Variants in DNAI4 observed in about 807,000 individuals in gnomAD.
The protein encoded by DNAI4 is dynein axonemal intermediate chain 4.
DNAI4 carries 85 observed loss-of-function variants against 105.8 expected under a neutral mutation model. That is an observed-to-expected ratio of 0.80 (90% CI 0.67 to 0.96). DNAI4 has a LOEUF of 0.96. DNAI4 is among the 40% of genes least tolerant of loss of function. The pLI is 0.00. For synonymous variants in DNAI4, 352 were observed against 331.5 expected (o/e 1.06, Z -0.67); for missense variants, 1,014 against 1,005.6 (o/e 1.01, Z -0.11).
chr1:66,887,850 T>G (rs1647275140), intron 4 of DNAI4, among the ~76,000 whole-genome samples: 1 of 151,946 alleles, frequency 6.6e-6, no homozygotes, highest in Admixed American at 6.6e-5. Context: ...TCCCAGCTAC[T>G]TGGGAGTATG....
At chr1:66,919,068 A>C (rs2100898528) in intron 1 of DNAI4, 2 of 439,234 alleles carry the variant, frequency 4.6e-6, no homozygotes, top group South Asian at 3.3e-5. Context: ...GCCTTTCTGG[A>C]TGGAACCAAT....
chr1:66,887,894 G>T (rs1487013847), intron 4 of DNAI4, among the ~76,000 whole-genome samples: 1 of 152,076 alleles, frequency 6.6e-6, no homozygotes, highest in African/African-American at 2.4e-5. Flanking sequence ...AGGAAGCAGA[G>T]GTTGTAGTGA....
chr1:66,881,184 G>C (rs187586598), intron 4 of DNAI4, among the ~76,000 whole-genome samples: 37 of 152,346 alleles, frequency 2.4e-4, no homozygotes, highest in African/African-American at 8.9e-4. Context: ...GCTCTGCTAG[G>C]GCAATGCAGA....
Position 66,837,313 on chromosome 1 carries a change from C to T in DNAI4, c.1581+397G>A, listed in dbSNP as rs926936636. Reference sequence around the variant, plus strand: ...CCGGGAGGCAGAGTTTGCAGTGAGTCGAGATTGCGCCACTGCACTCCAGCC... The same window carrying T: ...CCGGGAGGCAGAGTTTGCAGTGAGTTGAGATTGCGCCACTGCACTCCAGCC... On this transcript the variant is annotated intron_variant, in intron 10 of 16. Transcript: ENST00000371026. Among the ~76,000 whole-genome samples, 20 of 135,968 alleles carry T rather than the reference C, an allele frequency of 1.5e-4. 1 individual carries two copies. Among genetic ancestry groups the T allele is most frequent in the Non-Finnish European group, 2.1e-4 (14 of 66,122 alleles). 89.2% of individuals were successfully genotyped at this position (135,968 alleles called of 152,430 possible).
At chr1:66,906,647 T>C (rs949458471) in intron 1 of DNAI4, among the ~76,000 whole-genome samples, 37 of 152,194 alleles carry the variant, frequency 2.4e-4, no homozygotes, top group Admixed American at 9.2e-4. Flanking sequence ...TAGTATACCA[T>C]GGACACTTAA....
chr1:66,842,917 G>A (rs1260900348), intron 8 of DNAI4, among the ~76,000 whole-genome samples: 2 of 151,954 alleles, frequency 1.3e-5, no homozygotes, highest in African/African-American at 4.8e-5. Context: ...ATATTGAAAG[G>A]TCAGGTGTAG....
chr1:66,890,415 G>A lies in DNAI4; in HGVS notation c.643+739C>T, dbSNP rs1454330077. The A allele has an allele frequency of 6.6e-6, 1 of 152,410 alleles. No individual in the cohort carries two copies. The highest frequency in any genetic ancestry group is 1.5e-5 in the Non-Finnish European group (1 of 68,386). 9.4% of individuals were successfully genotyped at this position (152,410 alleles called of 1,614,324 possible). ...AGTTTGAAACCAGCCTGGCCAACAT[G>A]ATGAAACCCCGTCTCTATTAAAAAT... On this transcript the variant is annotated intron_variant, in intron 4 of 16. Transcript: ENST00000371026. The surrounding 1 kb of genome is among the most constrained non-coding windows in gnomAD (Gnocchi z 4.1).
At chr1:66,829,628 C>CT (rs1645826946) in intron 13 of DNAI4, among the ~76,000 whole-genome samples, 1 of 152,114 alleles carries the variant, frequency 6.6e-6, no homozygotes. Flanking sequence ...TGGTTGGAGA[C>CT]TTTATTACCT....
At chr1:66,834,304 A>G (rs1413474455) in intron 11 of DNAI4, among the ~76,000 whole-genome samples, 156 bp from the exon 12 acceptor site, 1 of 152,042 alleles carries the variant, frequency 6.6e-6, no homozygotes, top group Non-Finnish European at 1.5e-5. Flanking sequence ...AAATATTTTT[A>G]AAAAAGAAAA....
intron 7 of DNAI4, among the ~76,000 whole-genome samples, chr1:66,861,869 A>G (rs923160207): frequency 2.0e-5 from 3 of 152,222 alleles, no homozygotes; most frequent in Non-Finnish European, 2.9e-5. Flanking sequence ...AGGGAGATAG[A>G]AAATGATGGA....
At chr1:66,914,537 C>T (rs1473985670) in intron 1 of DNAI4, among the ~76,000 whole-genome samples, 1 of 152,162 alleles carries the variant, frequency 6.6e-6, no homozygotes, top group Non-Finnish European at 1.5e-5. Context: ...AATCCGTTTT[C>T]ATTTCCTTCT....
chr1:66,833,580 T>C lies in DNAI4; in HGVS notation c.2013+5A>G. The C allele has an allele frequency of 6.2e-7, 1 of 1,612,032 alleles. No homozygotes were observed. Among genetic ancestry groups the C allele is most frequent in the Non-Finnish European group, 8.5e-7 (1 of 1,179,082 alleles). ...CCAGTGGTAAATAAGAGTGAAATAATTTACCTTGGGATGAAAAGCAAAACA... is the reference window on the plus strand; with the variant it reads ...CCAGTGGTAAATAAGAGTGAAATAACTTACCTTGGGATGAAAAGCAAAACA... On this transcript the variant is annotated splice_donor_5th_base_variant and intron_variant, in intron 13 of 16. Transcript: ENST00000371026.
At chr1:66,878,962 T>C (rs192713284) in intron 4 of DNAI4, among the ~76,000 whole-genome samples, 2 of 152,320 alleles carry the variant, frequency 1.3e-5, no homozygotes, top group African/African-American at 2.4e-5. Context: ...TATACATTTG[T>C]AAGGCAGTTT....
In DNAI4 at chr1:66,826,956, C is replaced by T. The variant is rs145334513; in HGVS notation, c.2203G>A (p.Glu735Lys). ...AAACTCAAAGATGGCTTGACATTCT[C>T]CTGTTGCCATATAATAACACCCCAA... Reference protein sequence around the residue: ...ADWGVIIWQQENVKPSLSFYP... With the variant: ...ADWGVIIWQQKNVKPSLSFYP... The change falls in exon 15 of 17, where the codon GAG becomes AAG. Residue 735 changes from glutamate to lysine, a missense_variant. Physicochemically the swap from Glu to Lys is moderately conservative, Grantham distance 56. Transcript: ENST00000371026. 1 of 1,614,104 alleles carries T rather than the reference C, an allele frequency of 6.2e-7. No homozygotes were observed. The highest frequency in any genetic ancestry group is 1.7e-5 in the Admixed American group (1 of 60,016).
At chr1:66,836,306 AAGAAAG>A (rs1646021517) in intron 10 of DNAI4, among the ~76,000 whole-genome samples, 1 of 149,602 alleles carries the variant, frequency 6.7e-6, no homozygotes, top group Non-Finnish European at 1.5e-5. Flanking sequence ...GAAAGAAAGA[AAGAAAG>A]AAAGAAAGAA....
chr1:66,924,624 C>A (rs765135400), intron 1 of DNAI4, 38 bp downstream of exon 1: 2 of 1,614,038 alleles, frequency 1.2e-6, no homozygotes, highest in African/African-American at 2.7e-5. Flanking sequence ...CTCCGGGTCC[C>A]AGGGGGATGG....
At chr1:66,857,640 T>C (rs1220547017) in intron 7 of DNAI4, among the ~76,000 whole-genome samples, 1 of 151,824 alleles carries the variant, frequency 6.6e-6, no homozygotes, top group South Asian at 2.1e-4. Context: ...GTTCAAGCGA[T>C]TCTCCTGCCT....
At chr1:66,900,069 T>C (rs376011571) in intron 2 of DNAI4, among the ~76,000 whole-genome samples, 3 of 152,104 alleles carry the variant, frequency 2.0e-5, no homozygotes, top group Non-Finnish European at 4.4e-5. Context: ...TTTTATTTTA[T>C]TTTATTTTTA....
chr1:66,893,095 A>AAGAG, intron 3 of DNAI4, 134 bp downstream of exon 3: 1 of 432,948 alleles, frequency 2.3e-6, no homozygotes, highest in Admixed American at 4.2e-5. Flanking sequence ...GAAAGAAAGA[A>AAGAG]AGAAAGAAAG....
Sources: gnomAD v4.1 joint callset for allele counts (sites outside exome capture counted in the v4.1 genomes callset) on GRCh38, gnomAD v4.1.1 for gene constraint, Gnocchi (gnomAD v3.1) non-coding constraint, MANE v1.5 for transcripts, NCBI Gene and HGNC (gene_info 2026-07-23, HGNC 2026-07-21) for gene names.